The following PLCG2 variants were observed in gnomAD, a reference collection of about 807,000 sequenced individuals.
PLCG2 encodes the protein 1-phosphatidylinositol 4,5-bisphosphate phosphodiesterase gamma-2.
In PLCG2, 69 loss-of-function variants were observed where a neutral mutation model predicts 175.6. The observed-to-expected ratio is 0.39, with a 90% CI of 0.32 to 0.48. The LOEUF (loss-of-function observed/expected upper bound fraction) is 0.48, where lower values mean the gene tolerates loss of function less well. Among genes scored for constraint, PLCG2 ranks in the 20% least tolerant of loss-of-function variants. The pLI is 0.91. For missense variants in PLCG2, 1,798 were observed against 1,650.9 expected (o/e 1.09, Z -1.54); for synonymous variants, 827 against 624.0 (o/e 1.33, Z -4.85).
chr16:81,765,406 A>T (rs1200468381), intron 2 of PLCG2, among the ~76,000 whole-genome samples: 1 of 152,266 alleles, frequency 6.6e-6, no homozygotes, highest in Non-Finnish European at 1.5e-5. Flanking sequence ...CCAGGAGGGC[A>T]GATCACTTGA....
chr16:81,775,333 T>C (rs1910375843), upstream of PLCG2, among the ~76,000 whole-genome samples: 2 of 152,132 alleles, frequency 1.3e-5, no homozygotes, highest in African/African-American at 2.4e-5. Context: ...GGTCTTATGA[T>C]GGGGAAATTA....
At chr16:81,806,081 G>A (rs1912009173) in intron 2 of PLCG2, among the ~76,000 whole-genome samples, 1 of 151,928 alleles carries the variant, frequency 6.6e-6, no homozygotes, top group Admixed American at 6.6e-5. Flanking sequence ...TTATTAACGA[G>A]ATATTTGATT....
chr16:81,793,309 G>T lies in PLCG2; in HGVS notation c.193+7127G>T, dbSNP rs180965748. On this transcript the variant is annotated intron_variant, in intron 2 of 32. Transcript: ENST00000564138. ...ATGTTGGTTTTCTTTCCTTTCTGAG[G>T]GACCTAGTTGAGCAGTCTTCAGGTG... Among the ~76,000 whole-genome samples, 105 of 152,322 alleles carry T rather than the reference G, an allele frequency of 6.9e-4. 1 individual carries two copies. The South Asian group carries it at 0.014, about 20-fold the overall frequency.
Position 81,831,200 on chromosome 16 carries a change from T to C in PLCG2, c.194-23244T>C, listed in dbSNP as rs190104216. Reference sequence around the variant, plus strand: ...TTGTGATTGCCAAGTGTAATAAATATTGACTTGTCTCTGTCTCCTCCTATT... The same window carrying C: ...TTGTGATTGCCAAGTGTAATAAATACTGACTTGTCTCTGTCTCCTCCTATT... On this transcript the variant is annotated intron_variant, in intron 2 of 32. Transcript: ENST00000564138. Among the ~76,000 whole-genome samples, 575 of 152,318 alleles carry C rather than the reference T, an allele frequency of 3.8e-3. 2 individuals carry two copies. The highest frequency in any genetic ancestry group is 6.1e-3 in the Non-Finnish European group (414 of 68,024).
intron 2 of PLCG2, among the ~76,000 whole-genome samples, chr16:81,802,227 C>G (rs1171623318): frequency 2.7e-5 from 4 of 148,866 alleles, no homozygotes; most frequent in Admixed American, 1.4e-4. Context: ...ATTCTCTTGC[C>G]TCAGCCTCCA....
chr16:81,880,852 T>C (rs1908043252), intron 7 of PLCG2, 58 bp from the exon 8 acceptor site: 1 of 1,527,814 alleles, frequency 6.5e-7, no homozygotes, highest in Non-Finnish European at 9.0e-7. Context: ...AATCTTTCCG[T>C]TTTTGCATTA....
chr16:81,747,363 C>T (rs1342678297), intron 1 of PLCG2, among the ~76,000 whole-genome samples: 1 of 152,074 alleles, frequency 6.6e-6, no homozygotes, highest in Admixed American at 6.6e-5. Context: ...GTTGAAACCC[C>T]ATCTTTACTA....
At chr16:81,757,062 T>A (rs1909943657) in intron 2 of PLCG2, among the ~76,000 whole-genome samples, 1 of 152,228 alleles carries the variant, frequency 6.6e-6, no homozygotes, top group Non-Finnish European at 1.5e-5. Context: ...CAGATGCTGC[T>A]GGAATGAAGA....
intron 2 of PLCG2, among the ~76,000 whole-genome samples, chr16:81,789,167 A>T (rs1037202406): frequency 6.6e-6 from 1 of 152,270 alleles, no homozygotes; most frequent in African/African-American, 2.4e-5. Context: ...ATTACAGGGT[A>T]TTAGAACCTT....
intron 2 of PLCG2, among the ~76,000 whole-genome samples, chr16:81,808,635 A>T (rs903275142): frequency 2.6e-5 from 4 of 152,124 alleles, no homozygotes; most frequent in Admixed American, 6.5e-5. Flanking sequence ...CTGGGACTAC[A>T]GGTGCCCGCC....
At chr16:81,937,521 T>G (rs1216702203) in intron 27 of PLCG2, 2 of 411,436 alleles carry the variant, frequency 4.9e-6, no homozygotes, top group Non-Finnish European at 8.7e-6. Flanking sequence ...TTTTAGCAAG[T>G]TTGAATCTTT....
At chr16:81,843,939 CCTTTTT>C (rs762796713) in intron 2 of PLCG2, among the ~76,000 whole-genome samples, 11 of 151,852 alleles carry the variant, frequency 7.2e-5, no homozygotes, top group Non-Finnish European at 1.5e-4. Context: ...GTTTCCTTTT[CCTTTTT>C]CCTTTTCGTT....
At chr16:81,813,618 G>T (rs1241540716) in intron 2 of PLCG2, among the ~76,000 whole-genome samples, 3 of 152,230 alleles carry the variant, frequency 2.0e-5, no homozygotes, top group Non-Finnish European at 4.4e-5. Flanking sequence ...TGTGGGTCAG[G>T]AATTTGGGCA....
intron 27 of PLCG2, among the ~76,000 whole-genome samples, chr16:81,936,672 C>G (rs1391045890): frequency 6.6e-6 from 1 of 152,206 alleles, no homozygotes; most frequent in East Asian, 1.9e-4. Flanking sequence ...ATTAAAGCAT[C>G]TTTGGAGTTC....
chr16:81,952,550 A>T (rs542799457), intron 31 of PLCG2, among the ~76,000 whole-genome samples: 41 of 152,354 alleles, frequency 2.7e-4, no homozygotes, highest in African/African-American at 9.6e-4. Flanking sequence ...GTGGAAGCAC[A>T]TCAAAGGGGC....
At chr16:81,928,785 G>A (rs1910383929) in intron 24 of PLCG2, 161 bp downstream of exon 24, 4 of 610,176 alleles carry the variant, frequency 6.6e-6, no homozygotes, top group Non-Finnish European at 1.2e-5. Context: ...TGGTCAGTGA[G>A]TATGATGCTA....
chr16:81,934,235 T>G (rs990309354), intron 25 of PLCG2, among the ~76,000 whole-genome samples, 194 bp from the exon 26 acceptor site: 2 of 152,118 alleles, frequency 1.3e-5, no homozygotes, highest in African/African-American at 4.8e-5. Context: ...GGAAACAGCT[T>G]TGTCGAGAAT....
At chr16:81,939,833 G>C in intron 29 of PLCG2, 59 bp from the exon 30 acceptor site, 2 of 1,167,726 alleles carry the variant, frequency 1.7e-6, no homozygotes, top group Non-Finnish European at 2.6e-6. Flanking sequence ...TGCGGAGATT[G>C]TCTTACCAGA....
chr16:81,773,314 G>A lies in PLCG2; in HGVS notation c.-47-12629G>A, dbSNP rs140838840. Among the ~76,000 whole-genome samples the A allele has an allele frequency of 4.4e-3, 664 of 152,222 alleles. 4 individuals carry two copies. Among genetic ancestry groups the A allele is most frequent in the African/African-American group, 0.015 (635 of 41,526 alleles). ...CTTGTCTGCACCCCAACCACTCCTG[G>A]GCTTCCAGCAATGTGAGATCATTGA... On this transcript the variant is annotated intron_variant, in intron 2 of 5. Coordinates refer to the PLCG2 transcript ENST00000565054.
Sources: gnomAD v4.1 joint callset for allele counts (sites outside exome capture counted in the v4.1 genomes callset) on GRCh38, gnomAD v4.1.1 for gene constraint, MANE v1.5 for transcripts, NCBI Gene and HGNC (gene_info 2026-07-23, HGNC 2026-07-21) for gene names.